The following COL25A1 variants were observed in gnomAD, a reference collection of about 807,000 sequenced individuals.
COL25A1 encodes the protein collagen alpha-1(XXV) chain.
In COL25A1, 103 loss-of-function variants were observed where a neutral mutation model predicts 128.4. The ratio of observed to expected loss-of-function variants is 0.80; its 90% CI spans 0.68 to 0.94. COL25A1 has a LOEUF of 0.94. Ranked by LOEUF, COL25A1 falls within the 40% of genes least tolerant of loss-of-function variation. The pLI, the probability that COL25A1 is intolerant of heterozygous loss-of-function variation, is 0.00. For missense variants in COL25A1, 745 were observed against 840.0 expected, an observed-to-expected ratio of 0.89 and a Z score of 1.40; for synonymous variants, 279 against 277.2, an observed-to-expected ratio of 1.01 and a Z score of -0.06.
chr4:109,172,861 C>T (rs887537920), intron 3 of COL25A1, among the ~76,000 whole-genome samples: 7 of 152,150 alleles, frequency 4.6e-5, no homozygotes, highest in Non-Finnish European at 8.8e-5. Context: ...ATGGAAGATT[C>T]ATCATGGGGT....
intron 3 of COL25A1, among the ~76,000 whole-genome samples, chr4:109,218,712 T>C (rs1009876545): frequency 6.6e-6 from 1 of 152,040 alleles, no homozygotes; most frequent in African/African-American, 2.4e-5. Flanking sequence ...TCAAAAAACA[T>C]AAAATTCACC....
intron 3 of COL25A1, among the ~76,000 whole-genome samples, chr4:109,204,953 C>T (rs987426541): frequency 6.6e-6 from 1 of 152,100 alleles, no homozygotes; most frequent in Non-Finnish European, 1.5e-5. Context: ...TAAGTAAATT[C>T]GCAATGCTTC....
At chr4:108,847,054 C>T (rs957847192) in intron 27 of COL25A1, among the ~76,000 whole-genome samples, 2 of 151,720 alleles carry the variant, frequency 1.3e-5, no homozygotes, top group African/African-American at 2.4e-5. Flanking sequence ...TACAAGCATG[C>T]GCCACCATGC....
At chr4:109,221,223 C>CA (rs200401685) in intron 3 of COL25A1, among the ~76,000 whole-genome samples, 13,119 of 151,726 alleles carry the variant, frequency 0.086, 1,175 homozygotes, top group African/African-American at 0.23. Flanking sequence ...AATTCTACAG[C>CA]AAAAAAAGCC....
Position 108,920,579 on chromosome 4 carries a change from T to A in COL25A1, c.734A>T (p.Lys245Met). 1 of 1,602,796 alleles carries A rather than the reference T, an allele frequency of 6.2e-7. No individual in the cohort carries two copies. The highest frequency in any genetic ancestry group is 8.5e-7 in the Non-Finnish European group (1 of 1,172,050). ...ACAATATTGTTGTTTATACTCTACCTTTTGTCCCGGAGGCCCTAGAGGACC... is the reference window on the plus strand; with the variant it reads ...ACAATATTGTTGTTTATACTCTACCATTTGTCCCGGAGGCCCTAGAGGACC... Reference protein sequence around the residue: ...LMGPLGPPGQKGSIGAPGIPG... With the variant: ...LMGPLGPPGQMGSIGAPGIPG... Residue 245 changes from lysine to methionine, a missense_variant and splice_region_variant, in exon 12 of 38, where the codon AAG becomes ATG. Lys to Met is a moderately conservative substitution (Grantham distance 95). Transcript: ENST00000399132.
chr4:108,903,305 G>T (rs1277623972), intron 13 of COL25A1, among the ~76,000 whole-genome samples: 1 of 151,838 alleles, frequency 6.6e-6, no homozygotes, highest in African/African-American at 2.4e-5. Context: ...ATTTTGTCCT[G>T]TCTCCTTCTG....
chr4:109,148,575 C>A (rs1771174525), intron 3 of COL25A1, among the ~76,000 whole-genome samples: 1 of 152,176 alleles, frequency 6.6e-6, no homozygotes, highest in Admixed American at 6.5e-5. Flanking sequence ...CTGCCCTGCT[C>A]TATTCCAGGA....
At chr4:109,172,413 A>G (rs76943472) in intron 3 of COL25A1, among the ~76,000 whole-genome samples, 2,840 of 152,290 alleles carry the variant, frequency 0.019, 83 homozygotes, top group South Asian at 0.14. Flanking sequence ...TCCCTGAGGC[A>G]GTAATGTCTA....
At chr4:108,884,995 TGAA>T (rs1740612712) in intron 18 of COL25A1, among the ~76,000 whole-genome samples, 1 of 152,208 alleles carries the variant, frequency 6.6e-6, no homozygotes. Flanking sequence ...GAAAATCTCC[TGAA>T]TTCTACTAAA....
intron 3 of COL25A1, among the ~76,000 whole-genome samples, chr4:109,297,304 A>G (rs1725068380): frequency 6.6e-6 from 1 of 152,138 alleles, no homozygotes; most frequent in Admixed American, 6.5e-5. Context: ...AAATATTAAA[A>G]ATTTTACTGC....
intron 3 of COL25A1, among the ~76,000 whole-genome samples, chr4:109,107,239 CA>C (rs906889315): frequency 1.3e-5 from 2 of 152,086 alleles, no homozygotes; most frequent in Non-Finnish European, 2.9e-5. Context: ...CCTGTCTCCA[CA>C]AAATGCCTAA....
intron 19 of COL25A1, among the ~76,000 whole-genome samples, chr4:108,873,413 A>G (rs1739007041): frequency 1.3e-5 from 2 of 152,162 alleles, no homozygotes; most frequent in African/African-American, 4.8e-5. Flanking sequence ...GACTTACCAT[A>G]CAAAACTGCA....
intron 3 of COL25A1, among the ~76,000 whole-genome samples, chr4:109,173,564 A>T (rs1305917127): frequency 1.3e-5 from 2 of 152,154 alleles, no homozygotes; most frequent in Non-Finnish European, 2.9e-5. Context: ...CTTTTCTATG[A>T]GCTTCTCTAT....
intron 24 of COL25A1, among the ~76,000 whole-genome samples, chr4:108,855,604 G>T (rs1190365699): frequency 6.6e-6 from 1 of 152,010 alleles, no homozygotes; most frequent in Non-Finnish European, 1.5e-5. Context: ...TGAACATAAT[G>T]CTAGTTTGTA....
intron 35 of COL25A1, among the ~76,000 whole-genome samples, chr4:108,820,777 G>A (rs1731701407): frequency 6.6e-6 from 1 of 151,892 alleles, no homozygotes; most frequent in Admixed American, 6.6e-5. Flanking sequence ...GTAAAAATGA[G>A]GTAGGCAGGA....
In COL25A1 at chr4:109,007,612, C is replaced by T. The variant is rs997482888; in HGVS notation, c.438+2746G>A. On this transcript the variant is annotated intron_variant, in intron 6 of 37. Transcript: ENST00000399132. ...AGGAAGACATTTTAAACTAAATGAT[C>T]ATGAGATTTCACATCCACTAAAGGC... Among the ~76,000 whole-genome samples the T allele has an allele frequency of 2.0e-5, 3 of 152,128 alleles. No individual in the cohort carries two copies. The East Asian group carries it at 5.8e-4, about 29-fold the overall frequency.
chr4:108,937,855 A>G lies in COL25A1; in HGVS notation c.673-12T>C, dbSNP rs754022272. On this transcript the variant is annotated splice_polypyrimidine_tract_variant and intron_variant, in intron 10 of 37. Transcript: ENST00000399132. ...TTTCCTGGTTCACCCTTAAAAAAGA[A>G]TAGTGATAATTTTAGTAACGCTGTA... is the stretch of plus-strand genomic sequence containing the variant. The G allele has an allele frequency of 1.3e-5, 20 of 1,599,976 alleles. No homozygotes were observed. Among genetic ancestry groups the G allele is most frequent in the Non-Finnish European group, 1.6e-5 (19 of 1,173,900 alleles).
chr4:109,192,540 T>A (rs1387168261), intron 3 of COL25A1, among the ~76,000 whole-genome samples: 2 of 152,112 alleles, frequency 1.3e-5, no homozygotes, highest in East Asian at 3.9e-4. Flanking sequence ...TTAATCCAAC[T>A]GGAGTGGTGT....
chr4:109,181,454 C>A (rs760863567), intron 3 of COL25A1, among the ~76,000 whole-genome samples: 11 of 152,030 alleles, frequency 7.2e-5, no homozygotes, highest in African/African-American at 2.7e-4. Context: ...GATTTAATTT[C>A]TATGTAAAGA....
Sources: gnomAD v4.1 joint callset for allele counts (sites outside exome capture counted in the v4.1 genomes callset) on GRCh38, gnomAD v4.1.1 for gene constraint, MANE v1.5 for transcripts, NCBI Gene and HGNC (gene_info 2026-07-23, HGNC 2026-07-21) for gene names.